Variants in POMGNT2 observed in about 807,000 individuals in gnomAD.
POMGNT2 encodes the protein protein O-linked mannose N-acetylglucosaminyltransferase 2 (beta 1,4-).
A neutral mutation model predicts 37.8 loss-of-function variants in POMGNT2; 32 were observed. The observed-to-expected ratio is 0.85, with a 90% CI of 0.64 to 1.14. POMGNT2 has a LOEUF of 1.14. Among genes scored for constraint, POMGNT2 ranks in the 50% most tolerant of loss-of-function variants. The pLI is 0.00. For synonymous variants in POMGNT2, 340 were observed against 336.8 expected (o/e 1.01, Z -0.10); for missense variants, 705 against 780.6 (o/e 0.90, Z 1.15).
rs1207150912 is a variant in POMGNT2, at chr3:43,079,864, T to A, written c.1568A>T (p.Glu523Val). 1.2e-6 allele frequency: 2 copies of A among 1,614,188 alleles called. No homozygotes were observed. Among genetic ancestry groups the A allele is most frequent in the Non-Finnish European group, 1.7e-6 (2 of 1,180,028 alleles). ...KYLKVREVKY[E>V]VWLQEQGENT... ...CTCCCCCTGCTCCTGCAGCCACACC[T>A]CGTACTTCACCTCCCTCACCTTCAG... The change falls in exon 2 of 2, where the codon GAG becomes GTG. Residue 523 changes from glutamate (E) to valine (V), a missense_variant. Transcript: ENST00000344697.
chr3:43,105,248 G>C (rs1035521532), intron 1 of POMGNT2, among the ~76,000 whole-genome samples: 4 of 152,186 alleles, frequency 2.6e-5, no homozygotes, highest in Non-Finnish European at 4.4e-5. Flanking sequence ...AGTTCACTGG[G>C]TTCCTTCTTC....
At chr3:43,089,592 T>G (rs1164817179) in intron 1 of POMGNT2, among the ~76,000 whole-genome samples, 1 of 151,778 alleles carries the variant, frequency 6.6e-6, no homozygotes, top group Non-Finnish European at 1.5e-5. Flanking sequence ...AAGCTCAGAG[T>G]CTCCCCATTT....
At chr3:43,084,808 C>T (rs1289422648) in intron 1 of POMGNT2, among the ~76,000 whole-genome samples, 1 of 152,062 alleles carries the variant, frequency 6.6e-6, no homozygotes, top group Non-Finnish European at 1.5e-5. Context: ...CTGATTGAGC[C>T]CATTCAGTAA....
At chr3:43,103,775 G>A (rs551671913) in intron 1 of POMGNT2, among the ~76,000 whole-genome samples, 2 of 152,246 alleles carry the variant, frequency 1.3e-5, no homozygotes, top group Admixed American at 1.3e-4. Context: ...GGAGATGCCA[G>A]GATATGAATT....
chr3:43,104,609 G>C (rs2090043933), intron 1 of POMGNT2, among the ~76,000 whole-genome samples: 1 of 152,186 alleles, frequency 6.6e-6, no homozygotes, highest in South Asian at 2.1e-4. Flanking sequence ...GCTCTGCAGG[G>C]ACTGAGATTC....
chr3:43,102,884 A>C (rs1559421971), intron 1 of POMGNT2, among the ~76,000 whole-genome samples: 1 of 152,124 alleles, frequency 6.6e-6, no homozygotes. Context: ...AGGGCAGAGC[A>C]GGTGTGGTGG....
intron 1 of POMGNT2, among the ~76,000 whole-genome samples, chr3:43,104,293 C>T (rs2090041191): frequency 6.6e-6 from 1 of 152,190 alleles, no homozygotes; most frequent in Admixed American, 6.5e-5. Context: ...GGGAAAGTAT[C>T]CCACTGACAA....
chr3:43,099,940 T>C (rs991943842), intron 1 of POMGNT2, among the ~76,000 whole-genome samples: 4 of 152,206 alleles, frequency 2.6e-5, no homozygotes, highest in Non-Finnish European at 5.9e-5. Context: ...CTTTATTTTA[T>C]AGATGGTAAA....
At chr3:43,087,226 C>A (rs2089904394) in intron 1 of POMGNT2, among the ~76,000 whole-genome samples, 1 of 152,142 alleles carries the variant, frequency 6.6e-6, no homozygotes, top group Non-Finnish European at 1.5e-5. Flanking sequence ...TCATTTTAAG[C>A]CACTAAATGT....
chr3:43,094,415 G>A (rs1384995800), intron 1 of POMGNT2, among the ~76,000 whole-genome samples: 1 of 152,222 alleles, frequency 6.6e-6, no homozygotes, highest in Non-Finnish European at 1.5e-5. Flanking sequence ...CCTTTCTCCA[G>A]ACCAATTTTC....
intron 1 of POMGNT2, among the ~76,000 whole-genome samples, chr3:43,097,407 C>T (rs1184439887): frequency 1.3e-5 from 2 of 151,932 alleles, no homozygotes; most frequent in African/African-American, 4.8e-5. Context: ...TCTCACAGAT[C>T]TGTCAGGGTT....
At chr3:43,082,806 G>T (rs1284648917) in intron 1 of POMGNT2, among the ~76,000 whole-genome samples, 1 of 152,192 alleles carries the variant, frequency 6.6e-6, no homozygotes, top group African/African-American at 2.4e-5. Context: ...CTTTAGCTAG[G>T]TTCCCTAAGA....
At chr3:43,103,107 G>A (rs889833065) in intron 1 of POMGNT2, among the ~76,000 whole-genome samples, 7 of 152,168 alleles carry the variant, frequency 4.6e-5, no homozygotes, top group Non-Finnish European at 8.8e-5. Flanking sequence ...GAGAGGGTTA[G>A]GCCATCAATT....
At chr3:43,094,826 C>G (rs1218335747) in intron 1 of POMGNT2, among the ~76,000 whole-genome samples, 1 of 152,188 alleles carries the variant, frequency 6.6e-6, no homozygotes, top group Non-Finnish European at 1.5e-5. Context: ...TTAAGCAGCC[C>G]ACCCTCCTTT....
At chr3:43,095,269 T>C (rs911415771) in intron 1 of POMGNT2, among the ~76,000 whole-genome samples, 3 of 152,212 alleles carry the variant, frequency 2.0e-5, no homozygotes, top group African/African-American at 7.2e-5. Context: ...TAATACATTT[T>C]GTCTCTACTT....
intron 1 of POMGNT2, among the ~76,000 whole-genome samples, chr3:43,090,946 C>G (rs1412972858): frequency 6.6e-6 from 1 of 152,148 alleles, no homozygotes; most frequent in African/African-American, 2.4e-5. Context: ...AAGCACAGTT[C>G]AAACACTTTT....
chr3:43,099,031 C>T (rs1036846451), intron 1 of POMGNT2, among the ~76,000 whole-genome samples: 1 of 152,102 alleles, frequency 6.6e-6, no homozygotes, highest in African/African-American at 2.4e-5. Context: ...TGGTCATAAA[C>T]GGGGATGAAA....
Position 43,079,622 on chromosome 3 carries a change from G to T in POMGNT2, c.*67C>A. 3 of 1,412,482 alleles carry T rather than the reference G, an allele frequency of 2.1e-6. No homozygotes were observed. The highest frequency in any genetic ancestry group is 2.9e-6 in the Non-Finnish European group (3 of 1,026,226). 87.5% of individuals were successfully genotyped at this position (1,412,482 alleles called of 1,614,324 possible). A position where few individuals can be genotyped will look rare whatever the true frequency, so the allele number is the denominator to read the frequency against. On this transcript the variant is annotated 3_prime_UTR_variant, in exon 2 of 2. Transcript: ENST00000344697. ...TAGTTCCCAGAAGTCTCCACAGTGG[G>T]ATTAATGGGCCCAGGGACGCTGAAC...
At chr3:43,090,564 G>C (rs1048268842) in intron 1 of POMGNT2, 2 of 152,148 alleles carry the variant, frequency 1.3e-5, no homozygotes, top group Non-Finnish European at 2.9e-5. Flanking sequence ...CCCTCAGCTG[G>C]AGTTCCGACA....
Sources: allele counts gnomAD v4.1 joint callset (sites outside exome capture counted in the v4.1 genomes callset), GRCh38; gene constraint gnomAD v4.1.1; transcripts MANE v1.5; gene names NCBI Gene and HGNC (gene_info 2026-07-23, HGNC 2026-07-21).